SLC39A8: variants seen among roughly 807,000 people sequenced by gnomAD.
SLC39A8 encodes the protein solute carrier family 39 member 8.
In SLC39A8, 15 loss-of-function variants were observed where a neutral mutation model predicts 40.4. The observed-to-expected ratio is 0.37, with a 90% CI of 0.25 to 0.57. The LOEUF is 0.57. Ranked by LOEUF, SLC39A8 falls within the 20% of genes least tolerant of loss-of-function variation. SLC39A8 has a pLI of 0.75. For missense variants in SLC39A8, 472 were observed against 558.8 expected, an observed-to-expected ratio of 0.84 and a Z score of 1.57; for synonymous variants, 223 against 221.6, an observed-to-expected ratio of 1.01 and a Z score of -0.06.
At chr4:102,336,226 C>CA (rs934893387) in intron 2 of SLC39A8, among the ~76,000 whole-genome samples, 1 of 152,034 alleles carries the variant, frequency 6.6e-6, no homozygotes, top group African/African-American at 2.4e-5. Context: ...TTTTCTAGTC[C>CA]AAAAAACTGT....
intron 2 of SLC39A8, among the ~76,000 whole-genome samples, chr4:102,329,913 C>T (rs1735376083): frequency 6.6e-6 from 1 of 152,126 alleles, no homozygotes; most frequent in Non-Finnish European, 1.5e-5. Flanking sequence ...AACTGAACAA[C>T]CTGCTCCTGA....
chr4:102,298,319 G>A (rs1733764128), intron 6 of SLC39A8, among the ~76,000 whole-genome samples: 1 of 151,930 alleles, frequency 6.6e-6, no homozygotes, highest in African/African-American at 2.4e-5. Flanking sequence ...CCTGTCCAGG[G>A]CAGGGATGCT....
intron 2 of SLC39A8, among the ~76,000 whole-genome samples, chr4:102,335,998 C>A (rs76460983): frequency 1.3e-5 from 2 of 152,076 alleles, no homozygotes; most frequent in East Asian, 1.9e-4. Context: ...GAGTAACATA[C>A]TATTATGATG....
downstream of SLC39A8, among the ~76,000 whole-genome samples, chr4:102,259,257 C>T (rs1731782986): frequency 6.6e-6 from 1 of 152,180 alleles, no homozygotes; most frequent in African/African-American, 2.4e-5. Flanking sequence ...TTTCCTATGA[C>T]CCCTAAGCAA....
chr4:102,261,505 G>T (rs1397883666), downstream of SLC39A8, among the ~76,000 whole-genome samples: 1 of 152,136 alleles, frequency 6.6e-6, no homozygotes, highest in Non-Finnish European at 1.5e-5. Flanking sequence ...CGACTCTTGG[G>T]TTGGCCATGC....
chr4:102,281,086 T>C (rs1732848900), intron 6 of SLC39A8, among the ~76,000 whole-genome samples: 2 of 152,188 alleles, frequency 1.3e-5, no homozygotes, highest in African/African-American at 4.8e-5. Context: ...AGGATGGCAT[T>C]AATGCACTGG....
At chr4:102,291,323 G>GCACA (rs34019048) in intron 6 of SLC39A8, among the ~76,000 whole-genome samples, 1 of 151,134 alleles carries the variant, frequency 6.6e-6, no homozygotes, top group South Asian at 2.1e-4. Flanking sequence ...GAGTTATTCA[G>GCACA]CACACACACA....
chr4:102,264,538 CAACTT>C (rs1237560570), intron 8 of SLC39A8, among the ~76,000 whole-genome samples: 1 of 152,198 alleles, frequency 6.6e-6, no homozygotes, highest in Non-Finnish European at 1.5e-5. Flanking sequence ...TCACTGACCT[CAACTT>C]AAAGTTACCA....
intron 6 of SLC39A8, among the ~76,000 whole-genome samples, chr4:102,278,903 C>T (rs1732746771): frequency 6.6e-6 from 1 of 151,974 alleles, no homozygotes; most frequent in African/African-American, 2.4e-5. Context: ...GAACAGAAAA[C>T]CAAACACCGC....
chr4:102,251,048 G>C (rs1167097913), downstream of SLC39A8: 2 of 152,188 alleles, frequency 1.3e-5, no homozygotes, highest in African/African-American at 4.8e-5. Flanking sequence ...AGGAATGTTT[G>C]TTTAAATTTA....
In SLC39A8 at chr4:102,263,099, C is replaced by G; in HGVS notation, c.1328G>C (p.Gly443Ala). The G allele has an allele frequency of 6.2e-7, 1 of 1,613,602 alleles. No homozygotes were observed. The highest frequency in any genetic ancestry group is 8.5e-7 in the Non-Finnish European group (1 of 1,179,692). ...GGTAATGAGTAGAATGGCTGTGAATCCAGTTAACATTCCAGCATTCTGAAT... is the reference window on the plus strand; with the variant it reads ...GGTAATGAGTAGAATGGCTGTGAATGCAGTTAACATTCCAGCATTCTGAAT... ...FMIQNAGMLT[G>A]FTAILLITLY... Residue 443 changes from glycine to alanine, a missense_variant, in exon 9 of 9, where the codon GGA becomes GCA. This residue lies in a region of SLC39A8 where 50 missense variants were observed against 50.5 expected (regional missense o/e 0.99). Transcript: ENST00000356736.
intron 8 of SLC39A8, among the ~76,000 whole-genome samples, chr4:102,265,392 C>A (rs1296366124): frequency 6.6e-6 from 1 of 152,046 alleles, no homozygotes; most frequent in Non-Finnish European, 1.5e-5. Flanking sequence ...TGGTTCATGG[C>A]GTCCCAAAAC....
Position 102,263,159 on chromosome 4 carries a change from A to C in SLC39A8, c.1268T>G (p.Val423Gly). 1.2e-6 allele frequency: 2 copies of C among 1,613,694 alleles called. No homozygotes were observed. Among genetic ancestry groups the C allele is most frequent in the Non-Finnish European group, 1.7e-6 (2 of 1,179,720 alleles). Reference protein sequence around the residue: ...PEMNDMLREKVTGRKTDFTFF... With the variant: ...PEMNDMLREKGTGRKTDFTFF... ...GGTGAAATCGGTTTTTCTTCCAGTTACCTTTTCTCTCAGCATATCATTCAT... is the reference window on the plus strand; with the variant it reads ...GGTGAAATCGGTTTTTCTTCCAGTTCCCTTTTCTCTCAGCATATCATTCAT... The change falls in exon 9 of 9, where the codon GTA (valine) becomes GGA (glycine). Residue 423 changes from valine (V) to glycine (G), a missense_variant. This residue lies in a region of SLC39A8 where 50 missense variants were observed against 50.5 expected (regional missense o/e 0.99). Transcript: ENST00000356736.
At chr4:102,280,245 G>A (rs1317098212) in intron 6 of SLC39A8, among the ~76,000 whole-genome samples, 2 of 152,128 alleles carry the variant, frequency 1.3e-5, no homozygotes, top group Non-Finnish European at 2.9e-5. Context: ...CAGCTCCACT[G>A]TTACTAGCCT....
intron 11 of SLC39A8, among the ~76,000 whole-genome samples, chr4:102,254,037 C>T (rs1260225833): frequency 1.3e-5 from 2 of 152,134 alleles, no homozygotes; most frequent in South Asian, 2.1e-4. Flanking sequence ...CAGGAAAAGG[C>T]TCTTGGTTCC....
At chr4:102,251,433 A>T (rs1490264722) in exon 12 of SLC39A8, 2 of 152,152 alleles carry the variant, frequency 1.3e-5, no homozygotes, top group African/African-American at 2.4e-5. Context: ...GGGAAATCAA[A>T]GATTTCCCAG....
At position 102,262,561 on chromosome 4, in the gene SLC39A8, A is replaced by G; in HGVS notation, c.*483T>C. 1 of 985,336 alleles carries G rather than the reference A, an allele frequency of 1.0e-6. No individual in the cohort carries two copies. The highest frequency in any genetic ancestry group is 1.1e-4 in the East Asian group (1 of 8,952). 61.0% of individuals were successfully genotyped at this position (985,336 alleles called of 1,614,324 possible). A position where few individuals can be genotyped will look rare whatever the true frequency, so the allele number is the denominator to read the frequency against. ...GCTCCTTAAAGACTTGGAATAATTT[A>G]TATTAGTGTTGCATACATTTTACCT... On this transcript the variant is annotated 3_prime_UTR_variant, in exon 9 of 9. Coordinates refer to ENST00000356736, the MANE Select transcript of SLC39A8 (RefSeq NM_001135146.2).
chr4:102,326,479 T>C (rs1030779121), intron 2 of SLC39A8, among the ~76,000 whole-genome samples: 2 of 151,998 alleles, frequency 1.3e-5, no homozygotes, highest in Non-Finnish European at 2.9e-5. Flanking sequence ...GAGAATGGGG[T>C]GCACCCAGGA....
intron 6 of SLC39A8, among the ~76,000 whole-genome samples, chr4:102,274,998 A>G (rs781081694): frequency 6.6e-6 from 1 of 152,110 alleles, no homozygotes; most frequent in Non-Finnish European, 1.5e-5. Context: ...GGCAAAAACA[A>G]AGCAAAATGT....
Sources: gnomAD v4.1 joint callset for allele counts (sites outside exome capture counted in the v4.1 genomes callset) on GRCh38, gnomAD v4.1.1 for gene constraint, gnomAD v4.1.1 regional missense constraint, MANE v1.5 for transcripts, NCBI Gene and HGNC (gene_info 2026-07-23, HGNC 2026-07-21) for gene names.